HEXA: variants seen among roughly 807,000 people sequenced by gnomAD.
HEXA encodes the protein hexosaminidase subunit alpha.
HEXA carries 54 observed loss-of-function variants against 73.3 expected under a neutral mutation model. The ratio of observed to expected loss-of-function variants is 0.74; its 90% CI spans 0.59 to 0.92. The LOEUF is 0.92. Among genes scored for constraint, HEXA ranks in the 40% least tolerant of loss-of-function variants. The pLI, the probability that HEXA is intolerant of heterozygous loss-of-function variation, is 0.00. For missense variants in HEXA, 649 were observed against 653.0 expected, an observed-to-expected ratio of 0.99 and a Z score of 0.07; for synonymous variants, 230 against 246.9, an observed-to-expected ratio of 0.93 and a Z score of 0.64.
intron 13 of HEXA, chr15:72,345,210 AATATAAATGCT>A (rs1193119686): frequency 3.7e-5 from 24 of 645,934 alleles, no homozygotes; most frequent in Non-Finnish European, 5.5e-5. Context: ...TACCTAATAC[AATATAAATGCT>A]ATGTAAATAG....
intron 10 of HEXA, 82 bp from the exon 11 acceptor site, chr15:72,346,792 C>A: frequency 2.3e-6 from 3 of 1,285,714 alleles, no homozygotes; most frequent in Non-Finnish European, 3.4e-6. Flanking sequence ...CAACATGGGA[C>A]AACAGGTATG....
intron 1 of HEXA, among the ~76,000 whole-genome samples, chr15:72,373,934 G>A (rs572746190): frequency 1.9e-4 from 29 of 151,862 alleles, no homozygotes; most frequent in Admixed American, 1.0e-3. Context: ...AGGAGGCGGA[G>A]GCTGCAGTGA....
At position 72,353,216 on chromosome 15, in the gene HEXA, G is replaced by T. The variant is rs771586204; in HGVS notation, c.460-38C>A. On this transcript the variant is annotated intron_variant, in intron 4 of 13. Coordinates refer to ENST00000268097, the MANE Select transcript of HEXA (RefSeq NM_000520.6). Reference sequence around the variant, plus strand: ...AACATTGAACATGTCAGTTTCAAAGGAAGCTTACTATGGGGGCACAGGGAG... The same window carrying T: ...AACATTGAACATGTCAGTTTCAAAGTAAGCTTACTATGGGGGCACAGGGAG... 9 of 1,274,494 alleles carry T rather than the reference G, an allele frequency of 7.1e-6. No individual in the cohort carries two copies. The Admixed American group carries it at 1.6e-4, about 23-fold the overall frequency. 78.9% of individuals were successfully genotyped at this position (1,274,494 alleles called of 1,614,324 possible).
intron 1 of HEXA, chr15:72,362,455 A>T (rs1211851304): frequency 2.2e-5 from 10 of 455,876 alleles, no homozygotes; most frequent in Non-Finnish European, 4.4e-5. Flanking sequence ...GCAGTCATTC[A>T]GTACATGTTT....
chr15:72,367,515 A>T (rs1399914856), intron 1 of HEXA, among the ~76,000 whole-genome samples: 1 of 152,128 alleles, frequency 6.6e-6, no homozygotes, highest in Non-Finnish European at 1.5e-5. Flanking sequence ...CAGCCTTTTA[A>T]CTGGGTTTCC....
At chr15:72,369,228 T>C (rs2088955842) in intron 1 of HEXA, among the ~76,000 whole-genome samples, 1 of 152,236 alleles carries the variant, frequency 6.6e-6, no homozygotes, top group Non-Finnish European at 1.5e-5. Context: ...TTTTATTCAT[T>C]ACAGCCAGGA....
At chr15:72,364,867 G>A (rs1026401325) in intron 1 of HEXA, among the ~76,000 whole-genome samples, 2 of 149,210 alleles carry the variant, frequency 1.3e-5, no homozygotes, top group African/African-American at 5.0e-5. Context: ...TGTCACCCAG[G>A]CTGGAGTGCA....
At chr15:72,360,908 T>C (rs146777105) in intron 1 of HEXA, among the ~76,000 whole-genome samples, 2 of 152,340 alleles carry the variant, frequency 1.3e-5, no homozygotes, top group African/African-American at 4.8e-5. Flanking sequence ...GCTCAGTGCC[T>C]GGTACCTCCT....
intron 10 of HEXA, 29 bp downstream of exon 10, chr15:72,347,657 G>A: frequency 6.3e-7 from 1 of 1,587,750 alleles, no homozygotes; most frequent in Non-Finnish European, 8.7e-7. Flanking sequence ...CACTGCTGGT[G>A]GCTTCTTCTC....
chr15:72,344,033 A>C lies in HEXA; in HGVS notation c.*44T>G. ...CAGGATGCAGTGGAAGCCTGGCTCC[A>C]CTACCATTCACCTACAGCCAGCACC... On this transcript the variant is annotated 3_prime_UTR_variant, in exon 14 of 14. Coordinates refer to ENST00000268097, the MANE Select transcript of HEXA (RefSeq NM_000520.6). 9 of 1,538,742 alleles carry C rather than the reference A, an allele frequency of 5.8e-6. No individual in the cohort carries two copies. Among genetic ancestry groups the C allele is most frequent in the Non-Finnish European group, 8.1e-6 (9 of 1,112,032 alleles).
Position 72,366,868 on chromosome 15 carries a change from T to C in HEXA, c.253+8852A>G, listed in dbSNP as rs559994453. Among the ~76,000 whole-genome samples the C allele has an allele frequency of 1.4e-4, 22 of 152,294 alleles. 1 individual carries two copies. The South Asian group carries it at 2.7e-3, about 19-fold the overall frequency. On this transcript the variant is annotated intron_variant, in intron 1 of 13. Coordinates refer to ENST00000268097, the MANE Select transcript of HEXA (RefSeq NM_000520.6). ...AGCTAACTGTTTGCTTGATACCTCA[T>C]AGTCAACACGTCAAAATCAAATTTA...
At chr15:72,372,016 C>A (rs948743893) in intron 1 of HEXA, among the ~76,000 whole-genome samples, 2 of 152,066 alleles carry the variant, frequency 1.3e-5, no homozygotes, top group Non-Finnish European at 2.9e-5. Context: ...CTATGATATA[C>A]TATGGCTTCT....
intron 1 of HEXA, 100 bp downstream of exon 1, chr15:72,375,618 GGC>G: frequency 7.5e-7 from 1 of 1,329,886 alleles, no homozygotes; most frequent in Admixed American, 1.9e-5. Flanking sequence ...GTGATCAGAG[GGC>G]TGGACAAAAG....
chr15:72,350,816 T>C lies in HEXA; in HGVS notation c.673-166A>G, dbSNP rs1453880325. 5.7e-6 allele frequency: 4 copies of C among 707,822 alleles called. No individual in the cohort carries two copies. In the East Asian group the frequency reaches 1.1e-4, roughly 19 times the overall value. 43.8% of individuals were successfully genotyped at this position (707,822 alleles called of 1,614,324 possible). ...CTTGATCATAATTTCCCAGAAGTTA[T>C]CACATCTGTTTTATCTGAGTATCAT... On this transcript the variant is annotated intron_variant, in intron 6 of 13. Transcript: ENST00000268097.
At chr15:72,372,547 T>C (rs2089007597) in intron 1 of HEXA, among the ~76,000 whole-genome samples, 1 of 152,058 alleles carries the variant, frequency 6.6e-6, no homozygotes, top group South Asian at 2.1e-4. Context: ...GGCTTAATAA[T>C]CAAACAGGGA....
chr15:72,361,212 A>T (rs937215621), intron 1 of HEXA, among the ~76,000 whole-genome samples: 6 of 151,728 alleles, frequency 4.0e-5, no homozygotes, highest in African/African-American at 1.5e-4. Flanking sequence ...GAAACCACTC[A>T]CTCCTTCTGG....
At chr15:72,370,645 C>T (rs1200042350) in intron 1 of HEXA, 6 of 395,724 alleles carry the variant, frequency 1.5e-5, no homozygotes, top group South Asian at 2.6e-4. Flanking sequence ...TGCTGTAAGC[C>T]GTGATCACAC....
intron 7 of HEXA, 157 bp downstream of exon 7, chr15:72,350,361 G>C: frequency 1.2e-6 from 1 of 808,808 alleles, no homozygotes; most frequent in Non-Finnish European, 2.2e-6. Flanking sequence ...TGTCCAAAGT[G>C]AGTTCTTCCT....
chr15:72,374,357 AG>A (rs2089031118), intron 1 of HEXA, among the ~76,000 whole-genome samples: 1 of 152,202 alleles, frequency 6.6e-6, no homozygotes, highest in African/African-American at 2.4e-5. Flanking sequence ...ACTCAACAGC[AG>A]GCCTCTTATC....
Sources: gnomAD v4.1 joint callset for allele counts (sites outside exome capture counted in the v4.1 genomes callset) on GRCh38, gnomAD v4.1.1 for gene constraint, MANE v1.5 for transcripts, NCBI Gene and HGNC (gene_info 2026-07-23, HGNC 2026-07-21) for gene names.